TTC28: variants seen among roughly 807,000 people sequenced by gnomAD.
TTC28 encodes the protein tetratricopeptide repeat domain 28.
Under a neutral mutation model 198.0 loss-of-function variants are expected in TTC28, and 61 were observed. The ratio of observed to expected loss-of-function variants is 0.31; its 90% CI spans 0.25 to 0.38. The LOEUF is 0.38. Ranked by LOEUF, TTC28 falls within the 10% of genes least tolerant of loss-of-function variation. The pLI is 1.00. For synonymous variants in TTC28, 1,171 were observed against 1,297.8 expected, an observed-to-expected ratio of 0.90 and a Z score of 2.10; for missense variants, 2,678 against 3,164.0, an observed-to-expected ratio of 0.85 and a Z score of 3.69.
At chr22:28,395,841 G>A (rs1213098796) in intron 2 of TTC28, among the ~76,000 whole-genome samples, 1 of 152,104 alleles carries the variant, frequency 6.6e-6, no homozygotes, top group Admixed American at 6.5e-5. Flanking sequence ...TAACCATTTG[G>A]ATATGAACTA....
intron 2 of TTC28, among the ~76,000 whole-genome samples, chr22:28,504,421 T>C (rs112302661): frequency 0.02 from 3,023 of 152,258 alleles, 31 homozygotes; most frequent in Non-Finnish European, 0.027. Flanking sequence ...TACACATATA[T>C]ACATACATAC....
At position 28,006,271 on chromosome 22, in the gene TTC28, C is replaced by T. The variant is rs149382228; in HGVS notation, c.4219-4718G>A. On this transcript the variant is annotated intron_variant, in intron 14 of 22. Transcript: ENST00000397906. ...CTTGGTTTCCAAACCCACAGGACAG[C>T]GCTAACATCCATTCCTCACAGGCCT... Among the ~76,000 whole-genome samples the T allele has an allele frequency of 4.8e-3, 729 of 152,302 alleles. 1 individual carries two copies. Among genetic ancestry groups the T allele is most frequent in the Non-Finnish European group, 8.6e-3 (583 of 68,038 alleles).
chr22:28,455,154 C>T (rs1437229397), intron 2 of TTC28, among the ~76,000 whole-genome samples: 1 of 152,188 alleles, frequency 6.6e-6, no homozygotes, highest in East Asian at 1.9e-4. Context: ...CCACCTATAA[C>T]ATCTAACAAA....
intron 5 of TTC28, among the ~76,000 whole-genome samples, chr22:28,172,443 G>T (rs1052812625): frequency 6.6e-6 from 1 of 152,196 alleles, no homozygotes; most frequent in African/African-American, 2.4e-5. Context: ...TCTCAGGGCA[G>T]GCACAACACC....
chr22:28,375,919 T>TA (rs2046402853), intron 2 of TTC28, among the ~76,000 whole-genome samples: 1 of 152,202 alleles, frequency 6.6e-6, no homozygotes, highest in Admixed American at 6.5e-5. Flanking sequence ...AGGACTTACT[T>TA]ACACCAGTGC....
chr22:28,615,014 C>T (rs550796856), intron 2 of TTC28, among the ~76,000 whole-genome samples: 1 of 152,090 alleles, frequency 6.6e-6, no homozygotes, highest in Admixed American at 6.6e-5. Flanking sequence ...AGGAAACCTA[C>T]AGAATGGGAG....
chr22:28,591,743 T>A (rs1315390060), intron 2 of TTC28, among the ~76,000 whole-genome samples: 3 of 151,914 alleles, frequency 2.0e-5, no homozygotes, highest in Middle Eastern at 3.4e-3. Context: ...TGTCTGGGAG[T>A]GAAAATGGAC....
chr22:28,581,438 G>A (rs1057418930), intron 2 of TTC28, among the ~76,000 whole-genome samples: 2 of 152,174 alleles, frequency 1.3e-5, no homozygotes, highest in Non-Finnish European at 2.9e-5. Context: ...ACAAAATAGG[G>A]ATGTAGTAAT....
At chr22:28,127,476 T>C (rs946598281) in intron 6 of TTC28, among the ~76,000 whole-genome samples, 2 of 152,148 alleles carry the variant, frequency 1.3e-5, no homozygotes, top group African/African-American at 2.4e-5. Flanking sequence ...AGTGCTTCTC[T>C]AGATAATACT....
intron 2 of TTC28, among the ~76,000 whole-genome samples, chr22:28,386,728 A>C (rs1195769141): frequency 1.3e-5 from 2 of 152,168 alleles, no homozygotes; most frequent in African/African-American, 2.4e-5. Flanking sequence ...CTTGATAATC[A>C]TATACTACTG....
intron 5 of TTC28, among the ~76,000 whole-genome samples, chr22:28,254,749 C>G (rs1238499527): frequency 6.6e-6 from 1 of 151,946 alleles, no homozygotes; most frequent in East Asian, 1.9e-4. Context: ...GTATGAGACC[C>G]AAAAGAGTAG....
chr22:28,173,642 A>G (rs1486352521), intron 5 of TTC28, among the ~76,000 whole-genome samples: 1 of 152,250 alleles, frequency 6.6e-6, no homozygotes, highest in African/African-American at 2.4e-5. Context: ...ATATTTGCAG[A>G]AGAATTGCAT....
At chr22:28,670,076 C>T (rs1045240398) in intron 1 of TTC28, among the ~76,000 whole-genome samples, 2 of 145,082 alleles carry the variant, frequency 1.4e-5, no homozygotes, top group Non-Finnish European at 3.0e-5. Context: ...CTCATTTTAC[C>T]CTGTATTACT....
chr22:28,264,811 T>C (rs1317248890), intron 5 of TTC28, among the ~76,000 whole-genome samples: 1 of 152,144 alleles, frequency 6.6e-6, no homozygotes, highest in Non-Finnish European at 1.5e-5. Context: ...ACCTGTGATA[T>C]ACACTGAAGA....
chr22:28,381,460 G>A (rs1457033663), intron 2 of TTC28, among the ~76,000 whole-genome samples: 1 of 152,070 alleles, frequency 6.6e-6, no homozygotes, highest in African/African-American at 2.4e-5. Flanking sequence ...ATTCAAGGAC[G>A]GAGCTTCCCT....
chr22:28,315,674 T>TA (rs1434613846), intron 2 of TTC28, among the ~76,000 whole-genome samples: 1 of 152,148 alleles, frequency 6.6e-6, no homozygotes, highest in African/African-American at 2.4e-5. Flanking sequence ...TCCACCTTTG[T>TA]AAAAAAATCA....
In TTC28 at chr22:28,306,569, T is replaced by C; in HGVS notation, c.456A>G (p.Gly152=). ...GGAGACTCTTGGGGTCTTGAGCCAG[T>C]CCAGATGCAAAGGCTGCCAGGGCAT... is the stretch of plus-strand genomic sequence containing the variant. ...HADALAAFAS[G]LAQDPKSLQL... Residue 152 remains glycine (G), a synonymous_variant, in exon 3 of 23, where the codon GGA becomes GGG. Coordinates refer to ENST00000397906, the MANE Select transcript of TTC28 (RefSeq NM_001145418.2). The C allele has an allele frequency of 6.4e-7, 1 of 1,551,518 alleles. No individual in the cohort carries two copies. Among genetic ancestry groups the C allele is most frequent in the Admixed American group, 2.0e-5 (1 of 50,944 alleles).
At chr22:28,177,809 G>A (rs769105279) in intron 5 of TTC28, among the ~76,000 whole-genome samples, 6 of 152,184 alleles carry the variant, frequency 3.9e-5, no homozygotes, top group Non-Finnish European at 8.8e-5. Context: ...AAAGTCAAAT[G>A]TATAGAGAGA....
At chr22:28,480,333 C>T (rs1717889448) in intron 2 of TTC28, among the ~76,000 whole-genome samples, 2 of 152,156 alleles carry the variant, frequency 1.3e-5, no homozygotes. Context: ...TGCCAACTAT[C>T]TTGCCATAAA....
Sources: gnomAD v4.1 joint callset for allele counts (sites outside exome capture counted in the v4.1 genomes callset) on GRCh38, gnomAD v4.1.1 for gene constraint, MANE v1.5 for transcripts, NCBI Gene and HGNC (gene_info 2026-07-23, HGNC 2026-07-21) for gene names.